The following SIK3 variants were observed in gnomAD, a reference collection of about 807,000 sequenced individuals.
SIK3 encodes the protein SIK family kinase 3.
In SIK3, 28 loss-of-function variants were observed where a neutral mutation model predicts 144.2. The observed-to-expected ratio is 0.19, with a 90% CI of 0.14 to 0.27. The LOEUF is 0.27. SIK3 is among the 10% of genes least tolerant of loss of function. The pLI is 1.00. For missense variants in SIK3, 1,319 were observed against 1,776.0 expected (o/e 0.74, Z 4.62); for synonymous variants, 686 against 676.3 (o/e 1.01, Z -0.22).
chr11:116,910,756 G>A (rs1946295618), intron 4 of SIK3, among the ~76,000 whole-genome samples: 1 of 151,864 alleles, frequency 6.6e-6, no homozygotes, highest in South Asian at 2.1e-4. Context: ...GCCAAATGCT[G>A]GTGAAATATA....
chr11:116,892,428 A>C (rs1433140528), intron 6 of SIK3, among the ~76,000 whole-genome samples: 2 of 152,260 alleles, frequency 1.3e-5, no homozygotes, highest in Non-Finnish European at 2.9e-5. Flanking sequence ...GAGACACCTC[A>C]ACAAAGATAT....
intron 1 of SIK3, among the ~76,000 whole-genome samples, chr11:117,058,691 AAG>A (rs1462771390): frequency 6.6e-6 from 1 of 152,220 alleles, no homozygotes; most frequent in Non-Finnish European, 1.5e-5. Flanking sequence ...AAGATTTAGA[AAG>A]AACTGTCATT....
chr11:116,859,630 ACCAAGTG>A (rs746212088), intron 19 of SIK3, 26 bp from the exon 20 acceptor site: 8 of 1,599,696 alleles, frequency 5.0e-6, no homozygotes, highest in African/African-American at 1.3e-5. Context: ...CCTCAGAGTG[ACCAAGTG>A]CCCAGGCCAC....
intron 1 of SIK3, among the ~76,000 whole-genome samples, chr11:116,968,570 G>A (rs1949647473): frequency 6.6e-6 from 1 of 152,196 alleles, no homozygotes; most frequent in Non-Finnish European, 1.5e-5. Context: ...CACAACAGAT[G>A]TCAAAAGACA....
intron 1 of SIK3, among the ~76,000 whole-genome samples, chr11:117,091,200 CTTTTTTTTTTTTT>C (rs386375011): frequency 1.1e-5 from 1 of 93,008 alleles, no homozygotes; most frequent in South Asian, 4.0e-4. Context: ...TTTTTTTTTT[CTTTTTTTTTTTTT>C]TTTTTTTTGA....
chr11:117,079,404 C>G (rs1230335255), intron 1 of SIK3, among the ~76,000 whole-genome samples: 1 of 152,082 alleles, frequency 6.6e-6, no homozygotes, highest in South Asian at 2.1e-4. Flanking sequence ...TGGAGAAAAA[C>G]CTAGACTCAT....
At chr11:117,001,284 T>C (rs771668838) in intron 1 of SIK3, among the ~76,000 whole-genome samples, 54 of 152,336 alleles carry the variant, frequency 3.5e-4, no homozygotes, top group Middle Eastern at 6.8e-3. Flanking sequence ...GGCAGGTGCA[T>C]CACCTGAGGT....
chr11:117,088,316 C>T (rs1406804494), intron 1 of SIK3, among the ~76,000 whole-genome samples: 1 of 152,172 alleles, frequency 6.6e-6, no homozygotes, highest in East Asian at 1.9e-4. Context: ...CACTGATCTT[C>T]CTAATAGTAA....
intron 1 of SIK3, among the ~76,000 whole-genome samples, chr11:116,995,299 T>G (rs1435168074): frequency 1.4e-5 from 2 of 147,290 alleles, no homozygotes; most frequent in Non-Finnish European, 3.0e-5. Context: ...GGTCTCACTC[T>G]GTCACCCAGG....
At chr11:116,978,876 T>C (rs1443458519) in intron 1 of SIK3, among the ~76,000 whole-genome samples, 2 of 152,188 alleles carry the variant, frequency 1.3e-5, no homozygotes, top group Non-Finnish European at 2.9e-5. Context: ...CGAAGATGCA[T>C]GTAGTGGCAC....
At chr11:116,882,656 T>C (rs1393836570) in intron 6 of SIK3, among the ~76,000 whole-genome samples, 2 of 152,126 alleles carry the variant, frequency 1.3e-5, no homozygotes, top group Non-Finnish European at 2.9e-5. Context: ...AAAGGCTTTC[T>C]TGCAGGCAAG....
intron 18 of SIK3, 97 bp downstream of exon 18, chr11:116,861,744 A>T: frequency 1.3e-6 from 1 of 778,638 alleles, no homozygotes; most frequent in Non-Finnish European, 2.1e-6. Context: ...TTCTTGCAAG[A>T]TGAATGCTCA....
At position 116,844,619 on chromosome 11, in the gene SIK3, A is replaced by ATATATATATTATATATATATGATATAT. The variant is rs1565345209; in HGVS notation, c.*1023_*1024insATATATCATATATATATAATATATATA. The ATATATATATTATATATATATGATATAT allele has an allele frequency of 2.5e-5, 1 of 40,450 alleles. No homozygotes were observed. Among genetic ancestry groups the ATATATATATTATATATATATGATATAT allele is most frequent in the Non-Finnish European group, 4.8e-5 (1 of 20,954 alleles). 2.5% of individuals were successfully genotyped at this position (40,450 alleles called of 1,614,324 possible). ...ATTTTATATATATATTATATATATA[A>ATATATATATTATATATATATGATATAT]TATATATATAATATATTATATTATA... On this transcript the variant is annotated 3_prime_UTR_variant, in exon 25 of 25. Transcript: ENST00000445177.
At chr11:117,060,362 C>G (rs566424876) in intron 1 of SIK3, among the ~76,000 whole-genome samples, 1 of 151,842 alleles carries the variant, frequency 6.6e-6, no homozygotes, top group Non-Finnish European at 1.5e-5. Flanking sequence ...TTTGAGAGGC[C>G]GAGGCAGGCG....
chr11:117,038,934 C>T (rs1952627541), intron 1 of SIK3, among the ~76,000 whole-genome samples: 1 of 151,900 alleles, frequency 6.6e-6, no homozygotes, highest in African/African-American at 2.4e-5. Context: ...CCTCTAATCC[C>T]AGCTACTCGG....
intron 3 of SIK3, among the ~76,000 whole-genome samples, chr11:116,950,849 G>A (rs983920580): frequency 4.6e-5 from 7 of 152,340 alleles, no homozygotes; most frequent in African/African-American, 1.7e-4. Context: ...GTTTCTTACC[G>A]AATTTGCACA....
chr11:116,940,122 G>A (rs1002310953), intron 3 of SIK3, among the ~76,000 whole-genome samples: 10 of 152,114 alleles, frequency 6.6e-5, no homozygotes, highest in African/African-American at 2.4e-4. Flanking sequence ...AACTATAGAA[G>A]CTGGGCTGTT....
intron 6 of SIK3, among the ~76,000 whole-genome samples, chr11:116,895,710 C>T (rs1945362464): frequency 1.3e-5 from 2 of 152,150 alleles, no homozygotes; most frequent in South Asian, 2.1e-4. Flanking sequence ...TACCTTACTG[C>T]CCACTCGTTA....
chr11:116,962,865 A>G (rs61055971), intron 1 of SIK3, among the ~76,000 whole-genome samples: 121 of 152,246 alleles, frequency 7.9e-4, no homozygotes, highest in Middle Eastern at 3.4e-3. Context: ...TAAACAAAAG[A>G]TATTAAAACT....
Sources: gnomAD v4.1 joint callset for allele counts (sites outside exome capture counted in the v4.1 genomes callset) on GRCh38, gnomAD v4.1.1 for gene constraint, MANE v1.5 for transcripts, NCBI Gene and HGNC (gene_info 2026-07-23, HGNC 2026-07-21) for gene names.